Variants in ABCG2 observed in about 807,000 individuals in gnomAD.
The protein encoded by ABCG2 is broad substrate specificity ATP-binding cassette transporter ABCG2.
ABCG2 carries 80 observed loss-of-function variants against 73.5 expected under a neutral mutation model. The ratio of observed to expected loss-of-function variants is 1.09; its 90% CI spans 0.91 to 1.31. The LOEUF is 1.31. Among genes scored for constraint, ABCG2 ranks in the 50% most tolerant of loss-of-function variants. The pLI, the probability that ABCG2 is intolerant of heterozygous loss-of-function variation, is 0.00. For missense variants in ABCG2, 796 were observed against 786.2 expected (o/e 1.01, Z -0.15); for synonymous variants, 269 against 282.4 (o/e 0.95, Z 0.48).
In ABCG2 at chr4:88,091,135, G is replaced by A. The variant is rs1056875560; in HGVS notation, c.*1099C>T. The A allele has an allele frequency of 2.0e-5, 3 of 152,174 alleles. No individual in the cohort carries two copies. Among genetic ancestry groups the A allele is most frequent in the African/African-American group, 7.2e-5 (3 of 41,446 alleles). The allele number at this position is 152,174 out of a possible 1,614,324, so 9.4% of individuals were successfully genotyped here. On this transcript the variant is annotated 3_prime_UTR_variant, in exon 16 of 16. Transcript: ENST00000237612. ...GGAAGGAAGTAGTGACTGGGAGAAT[G>A]GCTGAGTAGGCTTTTGTGTGCTACA...
chr4:88,152,133 C>G (rs1449647655), intron 1 of ABCG2, among the ~76,000 whole-genome samples: 2 of 152,090 alleles, frequency 1.3e-5, no homozygotes, highest in Non-Finnish European at 2.9e-5. Context: ...TTACCAGAGC[C>G]TAATAGATAG....
intron 1 of ABCG2, among the ~76,000 whole-genome samples, chr4:88,167,316 C>G (rs1202387876): frequency 6.7e-6 from 1 of 150,254 alleles, no homozygotes; most frequent in African/African-American, 2.4e-5. Context: ...GGCCCCTCCA[C>G]TTTCAAAACA....
chr4:88,154,471 C>A (rs2725239), intron 1 of ABCG2, among the ~76,000 whole-genome samples: 61,758 of 151,866 alleles, frequency 0.41, 13,608 homozygotes, highest in East Asian at 0.66. Flanking sequence ...GCTTGCTGAG[C>A]GGTAGTGGAG....
chr4:88,199,555 T>C (rs1200438898), intron 1 of ABCG2, among the ~76,000 whole-genome samples: 1 of 152,182 alleles, frequency 6.6e-6, no homozygotes, highest in African/African-American at 2.4e-5. Flanking sequence ...ATTTAACATG[T>C]TGGTAGAAAA....
chr4:88,149,314 A>T (rs1726280258), intron 1 of ABCG2, among the ~76,000 whole-genome samples: 1 of 152,270 alleles, frequency 6.6e-6, no homozygotes, highest in South Asian at 2.1e-4. Flanking sequence ...TCGTCAAATC[A>T]TAAATGAAAT....
chr4:88,138,853 T>TA (rs201189471), intron 2 of ABCG2, among the ~76,000 whole-genome samples: 221 of 150,828 alleles, frequency 1.5e-3, no homozygotes, highest in African/African-American at 4.9e-3. Context: ...CATTTGACCA[T>TA]AAAAAAAAAT....
intron 1 of ABCG2, among the ~76,000 whole-genome samples, chr4:88,214,515 TG>T (rs909604577): frequency 2.6e-4 from 40 of 152,192 alleles, no homozygotes; most frequent in African/African-American, 9.4e-4. Flanking sequence ...TGGAACAATA[TG>T]CCAGAGAGAG....
At position 88,092,088 on chromosome 4, in the gene ABCG2, TA is replaced by T; in HGVS notation, c.*145del. The T allele has an allele frequency of 1.4e-6, 1 of 736,892 alleles. No homozygotes were observed. The highest frequency in any genetic ancestry group is 2.1e-6 in the Non-Finnish European group (1 of 465,634). 45.6% of individuals were successfully genotyped at this position (736,892 alleles called of 1,614,324 possible). ...GTTTAATTCAGTTTGTTGTGATTTC[TA>T]AAAATGTATCTCTTTAAAACAATTG... On this transcript the variant is annotated 3_prime_UTR_variant, in exon 16 of 16. Transcript: ENST00000237612.
At chr4:88,147,360 G>T (rs1726130213) in intron 1 of ABCG2, among the ~76,000 whole-genome samples, 1 of 152,188 alleles carries the variant, frequency 6.6e-6, no homozygotes, top group Non-Finnish European at 1.5e-5. Flanking sequence ...TAACAATTCA[G>T]CATTAAAACG....
At chr4:88,092,581 T>A (rs1288999366) in intron 15 of ABCG2, among the ~76,000 whole-genome samples, 200 bp from the exon 16 acceptor site, 1 of 152,212 alleles carries the variant, frequency 6.6e-6, no homozygotes, top group African/African-American at 2.4e-5. Flanking sequence ...ACTTAGTTAA[T>A]TCCTAAAACA....
chr4:88,231,091 T>C (rs1349893045), exon 1 of ABCG2: 3 of 152,222 alleles, frequency 2.0e-5, no homozygotes, highest in Non-Finnish European at 1.5e-5. Flanking sequence ...GGAGTTTTCC[T>C]AGACAGACTT....
chr4:88,179,332 A>G (rs770494926), intron 1 of ABCG2, among the ~76,000 whole-genome samples: 1 of 152,214 alleles, frequency 6.6e-6, no homozygotes, highest in Non-Finnish European at 1.5e-5. Flanking sequence ...CAAGAGCCAC[A>G]GCGCGACAGG....
At chr4:88,121,578 C>T in intron 6 of ABCG2, 57 bp downstream of exon 6, 5 of 1,510,518 alleles carry the variant, frequency 3.3e-6, no homozygotes, top group Non-Finnish European at 4.5e-6. Context: ...CCAAGAATAT[C>T]TGGGACATAG....
chr4:88,110,404 A>G (rs1051299526), intron 9 of ABCG2, among the ~76,000 whole-genome samples: 5 of 152,000 alleles, frequency 3.3e-5, no homozygotes, highest in African/African-American at 1.2e-4. Context: ...TTAGCTGGGC[A>G]TGGTGGCGGG....
rs778792207 is a variant in ABCG2 at position 88,139,762 on chromosome 4, A to C, written c.203+31T>G. ...TGAGGTTCACTGTAGGTAAATTAAA[A>C]AGCTGTCTTTTTACAAGTTCATGTA... On this transcript the variant is annotated intron_variant, in intron 2 of 15. Transcript: ENST00000237612. The C allele has an allele frequency of 3.8e-6, 6 of 1,592,312 alleles. No individual in the cohort carries two copies. The East Asian group carries it at 1.3e-4, about 36-fold the overall frequency.
At chr4:88,142,640 C>A (rs904227480) in intron 1 of ABCG2, among the ~76,000 whole-genome samples, 2 of 152,042 alleles carry the variant, frequency 1.3e-5, no homozygotes, top group Non-Finnish European at 2.9e-5. Flanking sequence ...TTCAACCAGT[C>A]GCAAATCGAA....
chr4:88,189,169 T>C (rs1174264094), intron 1 of ABCG2, among the ~76,000 whole-genome samples: 1 of 152,178 alleles, frequency 6.6e-6, no homozygotes, highest in Non-Finnish European at 1.5e-5. Flanking sequence ...TTTATAAGTA[T>C]TTTACTCTTT....
At chr4:88,142,500 A>C (rs931975341) in intron 1 of ABCG2, among the ~76,000 whole-genome samples, 3 of 152,214 alleles carry the variant, frequency 2.0e-5, no homozygotes. Flanking sequence ...AATTCAAGGT[A>C]CATGGCTGGG....
intron 1 of ABCG2, among the ~76,000 whole-genome samples, chr4:88,197,204 A>AC (rs1439282174): frequency 6.6e-6 from 1 of 152,004 alleles, no homozygotes; most frequent in Non-Finnish European, 1.5e-5. Flanking sequence ...CAACAAAAAA[A>AC]AAAAAACAAG....
Sources: allele counts gnomAD v4.1 joint callset (sites outside exome capture counted in the v4.1 genomes callset), GRCh38; gene constraint gnomAD v4.1.1; transcripts MANE v1.5; gene names NCBI Gene and HGNC (gene_info 2026-07-23, HGNC 2026-07-21).